RCAN1: variants seen among roughly 807,000 people sequenced by gnomAD.
RCAN1 encodes the protein calcipressin-1.
RCAN1 carries 11 observed loss-of-function variants against 22.9 expected under a neutral mutation model. The ratio of observed to expected loss-of-function variants is 0.48; its 90% CI spans 0.30 to 0.79. The LOEUF (loss-of-function observed/expected upper bound fraction) is 0.79. Among genes scored for constraint, RCAN1 ranks in the 30% least tolerant of loss-of-function variants. RCAN1 has a pLI of 0.06. For synonymous variants in RCAN1, 136 were observed against 142.3 expected, an observed-to-expected ratio of 0.96 and a Z score of 0.32; for missense variants, 291 against 337.8, an observed-to-expected ratio of 0.86 and a Z score of 1.09.
intron 1 of RCAN1, among the ~76,000 whole-genome samples, chr21:34,544,048 T>C (rs535186291): frequency 6.6e-6 from 1 of 152,384 alleles, no homozygotes; most frequent in African/African-American, 2.4e-5. Flanking sequence ...TGTTGTAGAA[T>C]GTGCATAGGT....
At chr21:34,544,799 TA>T (rs1986066928) in intron 1 of RCAN1, among the ~76,000 whole-genome samples, 1 of 151,992 alleles carries the variant, frequency 6.6e-6, no homozygotes, top group Non-Finnish European at 1.5e-5. Context: ...CGGGTTGGAG[TA>T]AAAGTCACAC....
At chr21:34,569,023 C>G (rs1272723250) in intron 1 of RCAN1, among the ~76,000 whole-genome samples, 1 of 152,164 alleles carries the variant, frequency 6.6e-6, no homozygotes, top group African/African-American at 2.4e-5. Context: ...GAGACTTATT[C>G]ACTACCATGA....
chr21:34,550,814 A>C (rs947438357), intron 1 of RCAN1, among the ~76,000 whole-genome samples: 2 of 152,204 alleles, frequency 1.3e-5, no homozygotes, highest in African/African-American at 4.8e-5. Context: ...AAGCCTCTGA[A>C]AGAAAATGAT....
At chr21:34,584,743 G>A (rs965844589) in intron 1 of RCAN1, among the ~76,000 whole-genome samples, 4 of 152,178 alleles carry the variant, frequency 2.6e-5, no homozygotes, top group East Asian at 1.9e-4. Flanking sequence ...TTGCAGAAGC[G>A]TGTACCTGCT....
intron 1 of RCAN1, among the ~76,000 whole-genome samples, chr21:34,530,019 T>C (rs549114132): frequency 3.9e-5 from 6 of 152,322 alleles, no homozygotes; most frequent in East Asian, 3.9e-4. Context: ...TCCCCAGCCA[T>C]GTGGAACTGT....
chr21:34,558,243 T>C (rs370207970), intron 1 of RCAN1, among the ~76,000 whole-genome samples: 141 of 152,296 alleles, frequency 9.3e-4, no homozygotes, highest in African/African-American at 3.3e-3. Context: ...ACTCTGCAGC[T>C]GGGGTGCCCT....
At chr21:34,610,343 G>C (rs1017675006) in intron 1 of RCAN1, among the ~76,000 whole-genome samples, 6 of 152,188 alleles carry the variant, frequency 3.9e-5, no homozygotes, top group African/African-American at 1.4e-4. Flanking sequence ...TGGAGAGTGA[G>C]CAGCACCCAT....
intron 1 of RCAN1, among the ~76,000 whole-genome samples, chr21:34,563,156 C>T (rs917376496): frequency 6.6e-6 from 1 of 152,162 alleles, no homozygotes; most frequent in Non-Finnish European, 1.5e-5. Context: ...AAGCAGAAAG[C>T]CAGTTCTCTC....
Position 34,557,432 on chromosome 21 carries a change from G to A in RCAN1, c.253-33722C>T, listed in dbSNP as rs1047408610. 4.6e-5 allele frequency among the ~76,000 whole-genome samples: 7 copies of A among 152,146 alleles called. 1 individual carries two copies. Among genetic ancestry groups the A allele is most frequent in the Admixed American group, 1.3e-4 (2 of 15,278 alleles). ...CCCACATGTTTCTGTTCCATCTATG[G>A]AAGGCTGGTGCAGGTCACGTGATTG... is the stretch of plus-strand genomic sequence containing the variant. On this transcript the variant is annotated intron_variant, in intron 1 of 3. Transcript: ENST00000313806.
Position 34,569,660 on chromosome 21 carries a change from AGAAAAGGAAG to A in RCAN1, c.252+45090_252+45099del, listed in dbSNP as rs1378133772. Among the ~76,000 whole-genome samples, 8 of 152,314 alleles carry A rather than the reference AGAAAAGGAAG, an allele frequency of 5.3e-5. No homozygotes were observed. The South Asian group carries it at 6.2e-4, about 12-fold the overall frequency. ...GGATACAGGGGAGGAACAACTGGAG[AGAAAAGGAAG>A]GAAAAGGAAGGAAAAAGCGACTCAC... On this transcript the variant is annotated intron_variant, in intron 1 of 3. Transcript: ENST00000313806.
intron 1 of RCAN1, among the ~76,000 whole-genome samples, chr21:34,575,580 T>C (rs1047239276): frequency 1.3e-5 from 2 of 152,130 alleles, no homozygotes; most frequent in South Asian, 2.1e-4. Context: ...TGGAGTGCAG[T>C]GTTACGATCA....
At chr21:34,587,331 T>C (rs1431245304) in intron 1 of RCAN1, among the ~76,000 whole-genome samples, 2 of 152,162 alleles carry the variant, frequency 1.3e-5, no homozygotes, top group Non-Finnish European at 2.9e-5. Flanking sequence ...TACACCCAGA[T>C]ATCTTTATCA....
intron 1 of RCAN1, among the ~76,000 whole-genome samples, chr21:34,555,240 T>C (rs1268702603): frequency 6.6e-6 from 1 of 152,186 alleles, no homozygotes; most frequent in Non-Finnish European, 1.5e-5. Context: ...CTTATTTGGA[T>C]TCTAACGCAA....
chr21:34,524,696 G>C (rs1385175501), intron 1 of RCAN1: 2 of 163,780 alleles, frequency 1.2e-5, no homozygotes, highest in African/African-American at 2.4e-5. Context: ...CCTGGCTTTC[G>C]TGTCTGTGCA....
At chr21:34,543,442 C>T (rs915968262) in intron 1 of RCAN1, among the ~76,000 whole-genome samples, 2 of 152,188 alleles carry the variant, frequency 1.3e-5, no homozygotes, top group Admixed American at 6.5e-5. Flanking sequence ...GGCAACGAAA[C>T]GGATTTTGCC....
intron 1 of RCAN1, chr21:34,613,802 T>C: frequency 6.7e-7 from 1 of 1,499,576 alleles, no homozygotes; most frequent in Admixed American, 2.0e-5. Context: ...CCATTCTGTT[T>C]CACAGTGGTG....
intron 1 of RCAN1, among the ~76,000 whole-genome samples, chr21:34,537,634 A>T (rs2123617168): frequency 6.6e-6 from 1 of 152,332 alleles, no homozygotes; most frequent in African/African-American, 2.4e-5. Context: ...CCCCCAGGGC[A>T]TTTCAATTTG....
chr21:34,570,160 T>C (rs1231099739), intron 1 of RCAN1, among the ~76,000 whole-genome samples: 1 of 152,240 alleles, frequency 6.6e-6, no homozygotes, highest in Non-Finnish European at 1.5e-5. Flanking sequence ...TAGAGATTTT[T>C]TTTAAAAACC....
At chr21:34,558,118 G>A (rs1986649944) in intron 1 of RCAN1, among the ~76,000 whole-genome samples, 1 of 152,208 alleles carries the variant, frequency 6.6e-6, no homozygotes, top group Admixed American at 6.5e-5. Flanking sequence ...TGATAGAAAA[G>A]GATAATGCTT....
Sources: allele counts gnomAD v4.1 joint callset (sites outside exome capture counted in the v4.1 genomes callset), GRCh38; gene constraint gnomAD v4.1.1; transcripts MANE v1.5; gene names NCBI Gene and HGNC (gene_info 2026-07-23, HGNC 2026-07-21).